Variants in PSME4 observed in about 807,000 individuals in gnomAD.
The protein encoded by PSME4 is proteasome activator subunit 4, also known as proteasome activator complex subunit 4.
A neutral mutation model predicts 253.9 loss-of-function variants in PSME4; 89 were observed. The observed-to-expected ratio is 0.35, with a 90% confidence interval of 0.30 to 0.42. The LOEUF (loss-of-function observed/expected upper bound fraction) is 0.42, where lower values mean the gene tolerates loss of function less well. PSME4 is among the 10% of genes least tolerant of loss of function. The probability of loss-of-function intolerance (pLI) is 1.00; values close to 1 mark genes in which losing one functional copy is unlikely to be tolerated. For missense variants in PSME4, 2,014 were observed against 2,195.2 expected (o/e 0.92, Z 1.65); for synonymous variants, 851 against 759.2 (o/e 1.12, Z -1.99).
chr2:53,872,257 A>T (rs1678913094), intron 43 of PSME4, among the ~76,000 whole-genome samples: 1 of 152,194 alleles, frequency 6.6e-6, no homozygotes, highest in Non-Finnish European at 1.5e-5. Context: ...CTCAGCTAAA[A>T]ACATACTATT....
intron 17 of PSME4, among the ~76,000 whole-genome samples, 168 bp from the exon 18 acceptor site, chr2:53,921,272 A>C (rs1190070070): frequency 1.3e-5 from 2 of 152,074 alleles, no homozygotes; most frequent in African/African-American, 4.8e-5. Context: ...TGTTTTTTGA[A>C]ATCAAACACA....
rs548184549 is a variant in PSME4 at position 53,920,021 on chromosome 2, T to C, written c.2420+172A>G. Among the ~76,000 whole-genome samples the C allele has an allele frequency of 5.9e-5, 9 of 152,336 alleles. No individual in the cohort carries two copies. The South Asian group carries it at 8.3e-4, about 14-fold the overall frequency. On this transcript the variant is annotated intron_variant, in intron 19 of 46. Coordinates refer to ENST00000404125, the MANE Select transcript of PSME4 (RefSeq NM_014614.3). ...AATTTTTGGGTTTAAAATGTTTAAA[T>C]GTTGTTAAATTTTCTGTTATACAAC...
At chr2:53,961,266 C>A (rs903489433) in intron 1 of PSME4, among the ~76,000 whole-genome samples, 5 of 152,112 alleles carry the variant, frequency 3.3e-5, no homozygotes, top group African/African-American at 1.2e-4. Flanking sequence ...GTTTGCTTAC[C>A]GTTTTTACTA....
intron 20 of PSME4, among the ~76,000 whole-genome samples, chr2:53,913,615 G>C (rs1573274584): frequency 6.6e-6 from 1 of 152,038 alleles, no homozygotes; most frequent in Non-Finnish European, 1.5e-5. Flanking sequence ...TGTCTCACAA[G>C]AGACAGTTAG....
intron 36 of PSME4, among the ~76,000 whole-genome samples, chr2:53,890,900 G>A (rs1009096050): frequency 6.6e-6 from 1 of 152,102 alleles, no homozygotes; most frequent in African/African-American, 2.4e-5. Context: ...AGTGGCACAT[G>A]CCTGTAATCC....
chr2:53,948,685 T>C (rs957633599), intron 2 of PSME4, 148 bp from the exon 3 acceptor site: 17 of 617,666 alleles, frequency 2.8e-5, no homozygotes, highest in East Asian at 1.8e-4. Context: ...TAGCAGAACA[T>C]AGTATTAAGA....
rs747747995 is a variant in PSME4, at chr2:53,936,137, A to G, written c.784T>C (p.Leu262=). Residue 262 remains leucine, a synonymous_variant, in exon 7 of 47, where the codon TTG becomes CTG. Coordinates refer to ENST00000404125, the MANE Select transcript of PSME4 (RefSeq NM_014614.3). ...ATGTACCCTATATTATCTGTAGCCAATCGAGCAAAGAGATTTACTAGTTGC... is the reference window on the plus strand; with the variant it reads ...ATGTACCCTATATTATCTGTAGCCAGTCGAGCAAAGAGATTTACTAGTTGC... ...EGQLVNLFAR[L]ATDNIGYIDW... The G allele has an allele frequency of 1.9e-6, 3 of 1,613,656 alleles. No individual in the cohort carries two copies. Among genetic ancestry groups the G allele is most frequent in the Admixed American group, 1.7e-5 (1 of 59,978 alleles).
chr2:53,899,174 C>T (rs375230052), intron 29 of PSME4, among the ~76,000 whole-genome samples: 1 of 152,090 alleles, frequency 6.6e-6, no homozygotes, highest in African/African-American at 2.4e-5. Flanking sequence ...AAGCGATCCT[C>T]CCACCTTAGC....
intron 27 of PSME4, among the ~76,000 whole-genome samples, chr2:53,902,299 A>C (rs1680439414): frequency 6.6e-6 from 1 of 152,242 alleles, no homozygotes; most frequent in African/African-American, 2.4e-5. Flanking sequence ...ATAAAAACTA[A>C]AGTATACTGC....
intron 3 of PSME4, among the ~76,000 whole-genome samples, chr2:53,940,949 ATACATATAT>A (rs1669387910): frequency 7.6e-5 from 1 of 13,220 alleles, no homozygotes; most frequent in African/African-American, 2.9e-4. Flanking sequence ...AAATATATAT[ATACATATAT>A]ATATATATAT....
intron 44 of PSME4, among the ~76,000 whole-genome samples, chr2:53,867,817 C>T (rs140013324): frequency 2.1e-4 from 32 of 151,878 alleles, no homozygotes; most frequent in African/African-American, 7.0e-4. Flanking sequence ...GGATGTGACG[C>T]CCCTACCCAG....
chr2:53,967,145 G>C (rs1281350268), intron 1 of PSME4, among the ~76,000 whole-genome samples: 1 of 152,072 alleles, frequency 6.6e-6, no homozygotes, highest in African/African-American at 2.4e-5. Context: ...CAACTTCTCT[G>C]ATTTGTTTCT....
chr2:53,879,801 CAAAAA>C (rs55730803), intron 41 of PSME4, among the ~76,000 whole-genome samples: 2 of 89,938 alleles, frequency 2.2e-5, no homozygotes, highest in Non-Finnish European at 4.3e-5. Context: ...GACCCTGTCT[CAAAAA>C]AAAAAAAAAA....
chr2:53,951,677 C>G (rs908121797), intron 1 of PSME4, among the ~76,000 whole-genome samples: 1 of 152,136 alleles, frequency 6.6e-6, no homozygotes, highest in Non-Finnish European at 1.5e-5. Flanking sequence ...TTTTGAGCAA[C>G]AACATGACAC....
At chr2:53,895,899 A>T (rs1661030540) in intron 32 of PSME4, among the ~76,000 whole-genome samples, 163 bp from the exon 33 acceptor site, 1 of 152,190 alleles carries the variant, frequency 6.6e-6, no homozygotes, top group African/African-American at 2.4e-5. Flanking sequence ...CACATTTCAA[A>T]ACAGAGTAGA....
intron 10 of PSME4, among the ~76,000 whole-genome samples, chr2:53,929,463 T>C (rs906336387): frequency 3.3e-5 from 5 of 152,072 alleles, no homozygotes; most frequent in African/African-American, 1.2e-4. Flanking sequence ...CGGCTAACTT[T>C]TGTATTTTTT....
intron 18 of PSME4, 105 bp downstream of exon 18, chr2:53,920,784 T>C (rs146180980): frequency 3.2e-6 from 3 of 932,094 alleles, no homozygotes; most frequent in Non-Finnish European, 3.3e-6. Context: ...CAATAATCTA[T>C]CTTAAAAGTA....
chr2:53,936,755 G>A lies in PSME4; in HGVS notation c.759+9C>T. ...ATAGGGGGGAAGAAAGGGAAAAAGG[G>A]ATACTTACCCCCTCCCATTGTGGGA... On this transcript the variant is annotated intron_variant, in intron 6 of 46. Transcript: ENST00000404125. 3.9e-6 allele frequency: 6 copies of A among 1,555,142 alleles called. No homozygotes were observed. The highest frequency in any genetic ancestry group is 5.2e-6 in the Non-Finnish European group (6 of 1,150,874).
At chr2:53,923,295 A>G (rs765744157) in intron 15 of PSME4, 26 bp downstream of exon 15, 15 of 1,581,982 alleles carry the variant, frequency 9.5e-6, no homozygotes, top group Middle Eastern at 3.4e-4. Context: ...AGTCATTAAT[A>G]CATCAGTTCA....
Sources: allele counts gnomAD v4.1 joint callset (sites outside exome capture counted in the v4.1 genomes callset), GRCh38; gene constraint gnomAD v4.1.1; transcripts MANE v1.5; gene names NCBI Gene and HGNC (gene_info 2026-07-23, HGNC 2026-07-21).